PCDH15: variants seen among roughly 807,000 people sequenced by gnomAD.
PCDH15 encodes protocadherin related 15.
Under a neutral mutation model 178.5 loss-of-function variants are expected in PCDH15, and 129 were observed. The ratio of observed to expected loss-of-function variants is 0.72; its 90% CI spans 0.63 to 0.84. PCDH15 has a LOEUF of 0.84. PCDH15 is among the 40% of genes least tolerant of loss of function. The probability of loss-of-function intolerance (pLI) is 0.00; values close to 1 mark genes in which losing one functional copy is unlikely to be tolerated. For missense variants in PCDH15, 2,230 were observed against 2,099.9 expected, an observed-to-expected ratio of 1.06 and a Z score of -1.21; for synonymous variants, 800 against 732.0, an observed-to-expected ratio of 1.09 and a Z score of -1.50.
intron 3 of PCDH15, among the ~76,000 whole-genome samples, chr10:54,506,853 G>T (rs1319898515): frequency 6.6e-6 from 1 of 151,904 alleles, no homozygotes; most frequent in Non-Finnish European, 1.5e-5. Context: ...CTGTGTGAAG[G>T]TACCAGGACA....
intron 2 of PCDH15, among the ~76,000 whole-genome samples, chr10:54,569,235 G>T (rs1355196372): frequency 6.6e-6 from 1 of 151,978 alleles, no homozygotes; most frequent in African/African-American, 2.4e-5. Context: ...TGAAAACAGA[G>T]AATTTACTAA....
intron 3 of PCDH15, among the ~76,000 whole-genome samples, chr10:54,434,298 C>T (rs1186189233): frequency 6.6e-6 from 1 of 152,130 alleles, no homozygotes; most frequent in African/African-American, 2.4e-5. Flanking sequence ...ATAAAGTCTA[C>T]AGTAATGTAC....
chr10:53,952,154 T>A (rs1176523218), intron 23 of PCDH15, among the ~76,000 whole-genome samples: 1 of 152,168 alleles, frequency 6.6e-6, no homozygotes, highest in Non-Finnish European at 1.5e-5. Flanking sequence ...CTCCTTCTCA[T>A]TGCCCACAAT....
At chr10:55,092,246 C>G (rs940261921) in intron 2 of PCDH15, among the ~76,000 whole-genome samples, 52 of 151,784 alleles carry the variant, frequency 3.4e-4, no homozygotes, top group Admixed American at 3.4e-3. Flanking sequence ...TCACCCTTTA[C>G]AAATAATAGC....
At chr10:55,004,714 G>T (rs1839881970) in intron 2 of PCDH15, among the ~76,000 whole-genome samples, 1 of 152,146 alleles carries the variant, frequency 6.6e-6, no homozygotes, top group Admixed American at 6.5e-5. Flanking sequence ...TTCCTCAGCT[G>T]TAGCACTTGA....
chr10:55,341,636 C>CT (rs1844560040), intron 2 of PCDH15, among the ~76,000 whole-genome samples: 1 of 147,066 alleles, frequency 6.8e-6, no homozygotes, highest in Non-Finnish European at 1.5e-5. Flanking sequence ...CTGACGCGAT[C>CT]TTGGCTTACT....
intron 10 of PCDH15, among the ~76,000 whole-genome samples, chr10:54,209,505 G>A (rs115575039): frequency 0.012 from 1,788 of 152,148 alleles, 32 homozygotes; most frequent in African/African-American, 0.039. Context: ...TTGAGGAAGT[G>A]GAAGTGTCTA....
At chr10:55,450,803 A>G (rs543569236) in intron 2 of PCDH15, among the ~76,000 whole-genome samples, 109 of 152,014 alleles carry the variant, frequency 7.2e-4, no homozygotes, top group African/African-American at 2.6e-3. Context: ...TAAAAAAGAG[A>G]CTGGTTCCGA....
intron 3 of PCDH15, among the ~76,000 whole-genome samples, chr10:54,488,950 G>A (rs932568909): frequency 7.9e-5 from 12 of 152,032 alleles, no homozygotes; most frequent in Middle Eastern, 3.4e-3. Flanking sequence ...TATTAACAGC[G>A]CAAAATTAGA....
At chr10:54,631,447 C>T (rs1277158968) in intron 2 of PCDH15, among the ~76,000 whole-genome samples, 2 of 152,156 alleles carry the variant, frequency 1.3e-5, no homozygotes, top group African/African-American at 4.8e-5. Context: ...AATGGTTATA[C>T]ACTCTAGGTT....
intron 2 of PCDH15, among the ~76,000 whole-genome samples, chr10:55,620,841 A>G (rs1472298218): frequency 6.6e-6 from 1 of 151,522 alleles, no homozygotes; most frequent in Non-Finnish European, 1.5e-5. Context: ...ACTATATAAA[A>G]TACAACTCAA....
At chr10:55,416,520 G>A (rs1431986352) in intron 2 of PCDH15, among the ~76,000 whole-genome samples, 1 of 151,768 alleles carries the variant, frequency 6.6e-6, no homozygotes, top group African/African-American at 2.4e-5. Flanking sequence ...CAACAGTGAA[G>A]AGAAGAAAAT....
chr10:54,000,084 A>G (rs1445020416), intron 20 of PCDH15, among the ~76,000 whole-genome samples: 1 of 152,216 alleles, frequency 6.6e-6, no homozygotes. Flanking sequence ...ATCTTATCCA[A>G]GACCATTAAG....
intron 25 of PCDH15, among the ~76,000 whole-genome samples, chr10:53,917,734 C>T (rs1408980727): frequency 6.6e-6 from 1 of 152,140 alleles, no homozygotes; most frequent in Non-Finnish European, 1.5e-5. Flanking sequence ...ATGTTTGACT[C>T]CCCTGCATCT....
intron 2 of PCDH15, among the ~76,000 whole-genome samples, chr10:55,526,125 CTG>C (rs1383404171): frequency 1.3e-5 from 2 of 152,002 alleles, no homozygotes; most frequent in East Asian, 3.9e-4. Flanking sequence ...TAATGAATGA[CTG>C]TGGACTGGAA....
In PCDH15 at chr10:54,421,693, TACACAC is replaced by T. The variant is rs1335935955; in HGVS notation, c.158-42757_158-42752del. Among the ~76,000 whole-genome samples, 240 of 115,890 alleles carry T rather than the reference TACACAC, an allele frequency of 2.1e-3. 7 individuals carry two copies. Among genetic ancestry groups the T allele is most frequent in the East Asian group, 9.3e-3 (41 of 4,388 alleles). 76.0% of individuals were successfully genotyped at this position (115,890 alleles called of 152,430 possible). A position where few individuals can be genotyped will look rare whatever the true frequency, so the allele number is the denominator to read the frequency against. On this transcript the variant is annotated intron_variant, in intron 3 of 37. Coordinates refer to ENST00000644397, the MANE Select transcript of PCDH15 (RefSeq NM_001384140.1). ...ATACATATATATATATATATATATATACACACACACACACACACTATATATATTTTT... is the reference window on the plus strand; with the variant it reads ...ATACATATATATATATATATATATATACACACACACACTATATATATTTTT...
chr10:54,436,002 AAGAGGAGAGG>A (rs1174759847), intron 3 of PCDH15, among the ~76,000 whole-genome samples: 21 of 127,858 alleles, frequency 1.6e-4, no homozygotes, highest in South Asian at 1.0e-3. Context: ...AAAAGAAAAG[AAGAGGAGAGG>A]AGAGGAGAGG....
chr10:54,838,900 T>G (rs1043519641), intron 3 of PCDH15, among the ~76,000 whole-genome samples: 2 of 152,164 alleles, frequency 1.3e-5, no homozygotes, highest in Non-Finnish European at 2.9e-5. Flanking sequence ...ACAGGATTCA[T>G]GCCCACTCTG....
intron 2 of PCDH15, among the ~76,000 whole-genome samples, chr10:54,662,656 G>A (rs953055307): frequency 6.6e-6 from 1 of 151,912 alleles, no homozygotes; most frequent in Admixed American, 6.6e-5. Context: ...GATTTCCTCT[G>A]TTAACTAAAA....
Sources: allele counts gnomAD v4.1 joint callset (sites outside exome capture counted in the v4.1 genomes callset), GRCh38; gene constraint gnomAD v4.1.1; transcripts MANE v1.5; gene names NCBI Gene and HGNC (gene_info 2026-07-23, HGNC 2026-07-21).